The following METTL8 variants were observed in gnomAD, a reference collection of about 807,000 sequenced individuals.
METTL8 encodes the protein tRNA N(3)-cytidine methyltransferase METTL8, mitochondrial.
In METTL8, 32 loss-of-function variants were observed where a neutral mutation model predicts 48.7. The observed-to-expected ratio is 0.66, with a 90% CI of 0.50 to 0.88. The LOEUF is 0.88. Ranked by LOEUF, METTL8 falls within the 40% of genes least tolerant of loss-of-function variation. The probability of loss-of-function intolerance (pLI) is 0.00; values close to 1 mark genes in which losing one functional copy is unlikely to be tolerated. For missense variants in METTL8, 464 were observed against 474.4 expected, an observed-to-expected ratio of 0.98 and a Z score of 0.20; for synonymous variants, 136 against 157.1, an observed-to-expected ratio of 0.87 and a Z score of 1.01.
At chr2:171,352,983 A>G (rs1684111612) in intron 3 of METTL8, among the ~76,000 whole-genome samples, 1 of 151,768 alleles carries the variant, frequency 6.6e-6, no homozygotes, top group African/African-American at 2.4e-5. Flanking sequence ...TTCTGCTCTG[A>G]TCTTAGTTAT....
At chr2:171,376,079 T>G (rs1686932378) in intron 2 of METTL8, among the ~76,000 whole-genome samples, 1 of 152,232 alleles carries the variant, frequency 6.6e-6, no homozygotes, top group South Asian at 2.1e-4. Flanking sequence ...GATCCTTTAC[T>G]GAAATATTTT....
rs1430633153 is a variant in METTL8, at chr2:171,315,811, C to T, written c.*8361G>A. ...AGGAGAAGAAATCACAGAAGATTTA[C>T]AAAACTTACATGAAATAAGAAAATG... On this transcript the variant is annotated 3_prime_UTR_variant, in exon 10 of 10. Transcript: ENST00000375258. Among the ~76,000 whole-genome samples, 3 of 152,114 alleles carry T rather than the reference C, an allele frequency of 2.0e-5. No homozygotes were observed. Among genetic ancestry groups the T allele is most frequent in the Non-Finnish European group, 4.4e-5 (3 of 68,006 alleles).
At chr2:171,426,837 G>C (rs1692470562) in intron 1 of METTL8, among the ~76,000 whole-genome samples, 2 of 152,154 alleles carry the variant, frequency 1.3e-5, no homozygotes, top group Admixed American at 1.3e-4. Flanking sequence ...TCTTGTTCTT[G>C]ATGCTGCAGC....
chr2:171,420,277 T>A (rs1432305673), intron 1 of METTL8, among the ~76,000 whole-genome samples: 1 of 152,208 alleles, frequency 6.6e-6, no homozygotes, highest in East Asian at 1.9e-4. Context: ...CACTAGAACT[T>A]GTAGCTTTTG....
chr2:171,360,456 T>C lies in METTL8; in HGVS notation c.201A>G (p.Glu67=), dbSNP rs1685041410. 6.2e-7 allele frequency: 1 copy of C among 1,614,018 alleles called. No homozygotes were observed. Among genetic ancestry groups the C allele is most frequent in the Non-Finnish European group, 8.5e-7 (1 of 1,179,964 alleles). ...CCAGAAGGACTCGCACAGCTGAGTT[T>C]TCTTTTACTTTTTTTCTGGCTGCTG... ...EEAAARKKVK[E]NSAVRVLLEE... The change falls in exon 3 of 10, where the codon GAA becomes GAG. Residue 67 remains glutamate (E), a synonymous_variant. Coordinates refer to ENST00000375258, the MANE Select transcript of METTL8 (RefSeq NM_001321154.2).
intron 2 of METTL8, among the ~76,000 whole-genome samples, chr2:171,375,530 C>G (rs1199274084): frequency 3.9e-5 from 6 of 152,220 alleles, no homozygotes; most frequent in African/African-American, 1.4e-4. Flanking sequence ...TAGTATTTTA[C>G]TGTGCCTTTC....
intron 2 of METTL8, among the ~76,000 whole-genome samples, chr2:171,375,486 A>C (rs1000280733): frequency 6.6e-5 from 10 of 152,236 alleles, no homozygotes; most frequent in African/African-American, 2.2e-4. Context: ...TAAGCTCAGT[A>C]CTTTTAATTT....
chr2:171,381,116 C>T (rs1189402459), intron 2 of METTL8, among the ~76,000 whole-genome samples: 1 of 152,202 alleles, frequency 6.6e-6, no homozygotes, highest in Non-Finnish European at 1.5e-5. Context: ...ACATCTACAA[C>T]TATCTGATCT....
chr2:171,335,048 T>A (rs1685941963), intron 5 of METTL8, among the ~76,000 whole-genome samples: 1 of 152,174 alleles, frequency 6.6e-6, no homozygotes, highest in South Asian at 2.1e-4. Context: ...ACGTGTATTA[T>A]AAGCTCAGAG....
chr2:171,335,260 T>C (rs1559058737), intron 5 of METTL8, among the ~76,000 whole-genome samples: 1 of 152,204 alleles, frequency 6.6e-6, no homozygotes. Flanking sequence ...TTCATTATGT[T>C]AGGTTTATAA....
chr2:171,370,312 G>A (rs907246169), intron 2 of METTL8, among the ~76,000 whole-genome samples: 4 of 151,956 alleles, frequency 2.6e-5, no homozygotes, highest in Non-Finnish European at 4.4e-5. Flanking sequence ...ATATTTTCCT[G>A]TATGCTCACA....
intron 3 of METTL8, among the ~76,000 whole-genome samples, chr2:171,355,148 G>A (rs1028237182): frequency 1.3e-5 from 2 of 152,142 alleles, no homozygotes; most frequent in African/African-American, 4.8e-5. Context: ...TGGGGTTTTG[G>A]TGTGGATGTC....
At chr2:171,418,770 A>G (rs1177978667) in intron 1 of METTL8, among the ~76,000 whole-genome samples, 11 of 152,058 alleles carry the variant, frequency 7.2e-5, no homozygotes, top group Admixed American at 6.6e-4. Flanking sequence ...TCTGGACAAC[A>G]TGGCGAAACC....
In METTL8 at chr2:171,321,789, T is replaced by G. The variant is rs1039961258; in HGVS notation, c.*2383A>C. 2 of 152,162 alleles carry G rather than the reference T, an allele frequency of 1.3e-5. No individual in the cohort carries two copies. Among genetic ancestry groups the G allele is most frequent in the African/African-American group, 4.8e-5 (2 of 41,424 alleles). The allele number at this position is 152,162 out of a possible 1,614,324, so 9.4% of individuals were successfully genotyped here. A position where few individuals can be genotyped will look rare whatever the true frequency, so the allele number is the denominator to read the frequency against. Reference sequence around the variant, plus strand: ...CTCTATTTATGCTCCCTGAAGAGCATAAACAAGGCTGGGTCTTTATTGTTC... The same window carrying G: ...CTCTATTTATGCTCCCTGAAGAGCAGAAACAAGGCTGGGTCTTTATTGTTC... On this transcript the variant is annotated 3_prime_UTR_variant, in exon 10 of 10. Transcript: ENST00000375258.
At chr2:171,365,598 T>C (rs145115442) in intron 2 of METTL8, among the ~76,000 whole-genome samples, 6 of 152,348 alleles carry the variant, frequency 3.9e-5, no homozygotes, top group African/African-American at 1.4e-4. Flanking sequence ...CCAGGTGGTA[T>C]GGGGCTGGTT....
At chr2:171,430,210 T>C (rs537057849) in intron 1 of METTL8, among the ~76,000 whole-genome samples, 26 of 151,714 alleles carry the variant, frequency 1.7e-4, no homozygotes, top group Admixed American at 1.7e-3. Flanking sequence ...ATATTAAAAT[T>C]AGCCAGGGAT....
chr2:171,417,455 C>A (rs1412168352), intron 1 of METTL8, among the ~76,000 whole-genome samples: 4 of 152,170 alleles, frequency 2.6e-5, no homozygotes, highest in African/African-American at 9.7e-5. Flanking sequence ...AGGCACTACT[C>A]CAAGTCATAC....
At chr2:171,346,081 T>C (rs1255374663) in intron 3 of METTL8, among the ~76,000 whole-genome samples, 1 of 152,172 alleles carries the variant, frequency 6.6e-6, no homozygotes, top group Non-Finnish European at 1.5e-5. Flanking sequence ...CAGCCTGGAG[T>C]GCAGTGGTGC....
At chr2:171,368,542 A>G (rs925207655) in intron 2 of METTL8, among the ~76,000 whole-genome samples, 1 of 152,228 alleles carries the variant, frequency 6.6e-6, no homozygotes, top group South Asian at 2.1e-4. Flanking sequence ...TAGGTTCCCA[A>G]TACAGATTTT....
Sources: gnomAD v4.1 joint callset for allele counts (sites outside exome capture counted in the v4.1 genomes callset) on GRCh38, gnomAD v4.1.1 for gene constraint, MANE v1.5 for transcripts, NCBI Gene and HGNC (gene_info 2026-07-23, HGNC 2026-07-21) for gene names.